The following TBC1D10C variants were observed in gnomAD, a reference collection of about 807,000 sequenced individuals.
TBC1D10C encodes the protein TBC1 domain family member 10C.
In TBC1D10C, 49 loss-of-function variants were observed where a neutral mutation model predicts 51.0. The observed-to-expected ratio is 0.96, with a 90% CI of 0.76 to 1.22. The LOEUF (loss-of-function observed/expected upper bound fraction) is 1.22, where lower values mean the gene tolerates loss of function less well. Among genes scored for constraint, TBC1D10C ranks in the 50% most tolerant of loss-of-function variants. TBC1D10C has a pLI of 0.00. For missense variants in TBC1D10C, 541 were observed against 617.5 expected (o/e 0.88, Z 1.31); for synonymous variants, 281 against 266.7 (o/e 1.05, Z -0.52).
chr11:67,409,369 T>C, intron 8 of TBC1D10C, 38 bp from the exon 9 acceptor site: 1 of 1,534,728 alleles, frequency 6.5e-7, no homozygotes, highest in Non-Finnish European at 8.8e-7. Flanking sequence ...GTTCCTGCCT[T>C]GAGGCCGGGC....
intron 1 of TBC1D10C, among the ~76,000 whole-genome samples, chr11:67,404,559 C>T (rs1360125254): frequency 2.6e-5 from 4 of 152,110 alleles, no homozygotes; most frequent in Admixed American, 1.3e-4. Flanking sequence ...CCCCAGCCTC[C>T]GAGGGTTTGC....
chr11:67,406,459 G>A, intron 5 of TBC1D10C, 168 bp from the exon 6 acceptor site: 1 of 631,660 alleles, frequency 1.6e-6, no homozygotes, highest in South Asian at 2.0e-5. Flanking sequence ...CAGAGGAGGG[G>A]GCTTTTGGGA....
intron 7 of TBC1D10C, chr11:67,408,605 T>G (rs547248594): frequency 1.0e-5 from 2 of 194,190 alleles, no homozygotes; most frequent in Non-Finnish European, 2.1e-5. Flanking sequence ...CCTGACTGGC[T>G]CAGGGAGGGT....
intron 8 of TBC1D10C, 81 bp downstream of exon 8, chr11:67,409,214 C>A: frequency 6.1e-6 from 9 of 1,467,050 alleles, no homozygotes; most frequent in Non-Finnish European, 8.2e-6. Flanking sequence ...GAAGCCAAAG[C>A]GAGAATGGGG....
chr11:67,408,663 T>G (rs1863298243), intron 7 of TBC1D10C: 1 of 276,040 alleles, frequency 3.6e-6, no homozygotes, highest in South Asian at 7.7e-5. Context: ...GGGTGCTTGC[T>G]GGCTCCAGAT....
In TBC1D10C at chr11:67,406,680, C is replaced by T. The variant is rs74706151; in HGVS notation, c.636C>T (p.Tyr212=). 5.1e-3 allele frequency: 8,096 copies of T among 1,577,296 alleles called. 357 individuals are homozygous for T. In the African/African-American group the frequency reaches 0.095, roughly 18 times the overall value. The change falls in exon 6 of 9, where the codon TAC becomes TAT. Residue 212 remains tyrosine, a synonymous_variant. Transcript: ENST00000542590. ...GTGAGGTCTACCTCCCTGGGTACTA[C>T]GGGCCCCACATGGTGAGAGGCTGAC... ...QICEVYLPGY[Y]GPHMEAVRLD...
intron 8 of TBC1D10C, 31 bp from the exon 9 acceptor site, chr11:67,409,376 G>T (rs928182523): frequency 2.8e-5 from 43 of 1,536,412 alleles, no homozygotes; most frequent in Non-Finnish European, 3.8e-5. Context: ...CCTTGAGGCC[G>T]GGCAAACGCA....
chr11:67,405,732 A>G (rs1370930874), intron 4 of TBC1D10C, 31 bp downstream of exon 4: 1 of 1,609,246 alleles, frequency 6.2e-7, no homozygotes, highest in South Asian at 1.1e-5. Context: ...AGGGACCCCC[A>G]GCCCCACAAG....
intron 6 of TBC1D10C, 26 bp downstream of exon 6, chr11:67,406,718 G>A (rs760645871): frequency 1.0e-5 from 16 of 1,577,960 alleles, no homozygotes; most frequent in Non-Finnish European, 1.2e-5. Context: ...GGGGGCTGGA[G>A]GAAGGAGGGG....
Position 67,409,664 on chromosome 11 carries a change from T to G in TBC1D10C, c.1251T>G (p.His417Gln). The G allele has an allele frequency of 6.2e-7, 1 of 1,603,396 alleles. No homozygotes were observed. Among genetic ancestry groups the G allele is most frequent in the South Asian group, 1.1e-5 (1 of 90,530 alleles). Residue 417 changes from histidine (H) to glutamine (Q), a missense_variant, in exon 9 of 9, where the codon CAT (histidine) becomes CAG (glutamine). Coordinates refer to ENST00000542590, the MANE Select transcript of TBC1D10C (RefSeq NM_001369496.1). Reference sequence around the variant, plus strand: ...CCCAGACCCGCGGCAAGACTTTCCATGGGCTCCTGACTCGGGCCCGGGGCC... The same window carrying G: ...CCCAGACCCGCGGCAAGACTTTCCAGGGGCTCCTGACTCGGGCCCGGGGCC... Reference protein sequence around the residue: ...RKPQTRGKTFHGLLTRARGPP... With the variant: ...RKPQTRGKTFQGLLTRARGPP...
At chr11:67,405,243 A>C in intron 2 of TBC1D10C, 59 bp downstream of exon 2, 6 of 1,529,032 alleles carry the variant, frequency 3.9e-6, no homozygotes, top group Non-Finnish European at 5.3e-6. Flanking sequence ...GCCTCAGCCC[A>C]CATCTTGGCA....
At position 67,406,958 on chromosome 11, in the gene TBC1D10C, C is replaced by G; in HGVS notation, c.780C>G (p.Phe260Leu). The G allele has an allele frequency of 6.2e-7, 1 of 1,613,232 alleles. No individual in the cohort carries two copies. The highest frequency in any genetic ancestry group is 8.5e-7 in the Non-Finnish European group (1 of 1,179,968). Residue 260 changes from phenylalanine to leucine, a missense_variant, in exon 7 of 9, where the codon TTC (phenylalanine) becomes TTG (leucine). Transcript: ENST00000542590. ...TGCCCGAGTGGTTCCTGTGCCTCTT[C>G]GCCCGCTCCCTGCCCTTCCCCACAG... ...LYLPEWFLCL[F>L]ARSLPFPTVL...
chr11:67,404,029 C>T, upstream of TBC1D10C: 1 of 739,872 alleles, frequency 1.4e-6, no homozygotes, highest in Non-Finnish European at 1.9e-6. Context: ...GCTTTTCTGT[C>T]AGGGCAGGGC....
chr11:67,405,081 C>G lies in TBC1D10C; in HGVS notation c.153-4C>G. 2 of 1,549,992 alleles carry G rather than the reference C, an allele frequency of 1.3e-6. No individual in the cohort carries two copies. The highest frequency in any genetic ancestry group is 1.7e-6 in the Non-Finnish European group (2 of 1,146,406). ...GTCTGGATACCTGTGCCATGCACCCCCAGGCCGGGCCACCCACCTGCAGAC... is the reference window on the plus strand; with the variant it reads ...GTCTGGATACCTGTGCCATGCACCCGCAGGCCGGGCCACCCACCTGCAGAC... On this transcript the variant is annotated splice_region_variant and splice_polypyrimidine_tract_variant and intron_variant, in intron 1 of 8. Transcript: ENST00000542590.
intron 7 of TBC1D10C, chr11:67,407,283 A>G (rs1863214127): frequency 2.3e-6 from 1 of 426,572 alleles, no homozygotes; most frequent in Non-Finnish European, 4.2e-6. Context: ...TCTCAGGGAC[A>G]GTAGGAGGCG....
At chr11:67,406,074 A>C in intron 5 of TBC1D10C, 57 bp downstream of exon 5, 1 of 1,407,832 alleles carries the variant, frequency 7.1e-7, no homozygotes, top group Middle Eastern at 1.8e-4. Flanking sequence ...AGGGAACCCC[A>C]TCCCCAGGAA....
Position 67,405,093 on chromosome 11 carries a change from A to G in TBC1D10C, c.161A>G (p.His54Arg). The stretch of plus-strand genomic sequence containing the variant: ...GTGCCATGCACCCCCAGGCCGGGCC[A>G]CCCACCTGCAGACCTCATCCGCCAA... Reference protein sequence around the residue: ...GGSSAEPGPGHPPADLIRQRE... With the variant: ...GGSSAEPGPGRPPADLIRQRE... Residue 54 changes from histidine (H) to arginine (R), a missense_variant, in exon 2 of 9, where the codon CAC (histidine) becomes CGC (arginine). By Grantham distance (29) the His-to-Arg change is conservative (BLOSUM62 0). Transcript: ENST00000542590. 1 of 1,550,786 alleles carries G rather than the reference A, an allele frequency of 6.4e-7. No individual in the cohort carries two copies. The highest frequency in any genetic ancestry group is 8.7e-7 in the Non-Finnish European group (1 of 1,146,732).
At chr11:67,409,376 G>C in intron 8 of TBC1D10C, 31 bp from the exon 9 acceptor site, 3 of 1,536,530 alleles carry the variant, frequency 2.0e-6, no homozygotes, top group Non-Finnish European at 2.6e-6. Flanking sequence ...CCTTGAGGCC[G>C]GGCAAACGCA....
At chr11:67,406,516 C>A (rs1438479738) in intron 5 of TBC1D10C, 111 bp from the exon 6 acceptor site, 4 of 972,960 alleles carry the variant, frequency 4.1e-6, no homozygotes, top group South Asian at 1.5e-5. Context: ...TGAGTGCAGG[C>A]CCCTGTGGTG....
Sources: allele counts gnomAD v4.1 joint callset (sites outside exome capture counted in the v4.1 genomes callset), GRCh38; gene constraint gnomAD v4.1.1; transcripts MANE v1.5; gene names NCBI Gene and HGNC (gene_info 2026-07-23, HGNC 2026-07-21).